The following KCNQ3 variants were observed in gnomAD, a reference collection of about 807,000 sequenced individuals.
The protein encoded by KCNQ3 is potassium voltage-gated channel subfamily KQT member 3.
In KCNQ3, 30 loss-of-function variants were observed where a neutral mutation model predicts 92.5. That is an observed-to-expected ratio of 0.32 (90% CI 0.24 to 0.44). KCNQ3 has a LOEUF of 0.44. KCNQ3 is among the 20% of genes least tolerant of loss of function. KCNQ3 has a pLI of 1.00. For missense variants in KCNQ3, 913 were observed against 1,140.3 expected (o/e 0.80, Z 2.87); for synonymous variants, 450 against 468.8 (o/e 0.96, Z 0.52).
chr8:132,343,151 C>T (rs1435324567), intron 1 of KCNQ3, among the ~76,000 whole-genome samples: 1 of 152,224 alleles, frequency 6.6e-6, no homozygotes, highest in Non-Finnish European at 1.5e-5. Flanking sequence ...GAAGCATCTG[C>T]TACTCTCGTG....
intron 1 of KCNQ3, among the ~76,000 whole-genome samples, chr8:132,359,413 G>A (rs1478146193): frequency 6.6e-6 from 1 of 152,140 alleles, no homozygotes; most frequent in African/African-American, 2.4e-5. Context: ...GCCCTACCAG[G>A]GTGCTCACTG....
Position 132,198,009 on chromosome 8 carries a change from C to T in KCNQ3, c.387-11828G>A, listed in dbSNP as rs944431855. On this transcript the variant is annotated intron_variant, in intron 1 of 14. Transcript: ENST00000388996. Reference sequence around the variant, plus strand: ...TCACATTCTTAGGTAATTCCCTCTGCTTAAAGTTGGCTGGGACCTGTGCTT... The same window carrying T: ...TCACATTCTTAGGTAATTCCCTCTGTTTAAAGTTGGCTGGGACCTGTGCTT... Among the ~76,000 whole-genome samples, 3 of 152,306 alleles carry T rather than the reference C, an allele frequency of 2.0e-5. No individual in the cohort carries two copies. The South Asian group carries it at 6.2e-4, about 32-fold the overall frequency.
intron 1 of KCNQ3, among the ~76,000 whole-genome samples, chr8:132,328,765 T>C (rs876110): frequency 0.038 from 5,731 of 152,282 alleles, 298 homozygotes; most frequent in Admixed American, 0.11. Flanking sequence ...TTGGGTATTA[T>C]AGTTTCTGGT....
intron 1 of KCNQ3, among the ~76,000 whole-genome samples, chr8:132,255,315 T>C (rs1299563349): frequency 6.6e-6 from 1 of 152,148 alleles, no homozygotes; most frequent in African/African-American, 2.4e-5. Flanking sequence ...GACTCAGAAC[T>C]TTCCCAAAGA....
At chr8:132,344,933 C>A (rs957652845) in intron 1 of KCNQ3, among the ~76,000 whole-genome samples, 14 of 152,082 alleles carry the variant, frequency 9.2e-5, no homozygotes, top group African/African-American at 3.4e-4. Flanking sequence ...TGTGAAGTAA[C>A]CCAAAGGAGA....
intron 1 of KCNQ3, among the ~76,000 whole-genome samples, chr8:132,325,280 T>C (rs1818011047): frequency 6.6e-6 from 1 of 152,072 alleles, no homozygotes; most frequent in East Asian, 1.9e-4. Context: ...GAGAGAGAAG[T>C]GTGTTGGGGG....
At chr8:132,444,478 A>G (rs1280217642) in intron 1 of KCNQ3, among the ~76,000 whole-genome samples, 1 of 152,238 alleles carries the variant, frequency 6.6e-6, no homozygotes, top group Admixed American at 6.5e-5. Flanking sequence ...GGTGTGGAGG[A>G]CAGGAGCTGG....
chr8:132,184,427 G>A, intron 2 of KCNQ3, 60 bp from the exon 3 acceptor site: 1 of 1,568,278 alleles, frequency 6.4e-7, no homozygotes, highest in South Asian at 1.1e-5. Flanking sequence ...TCGGGAGCTG[G>A]TGATTTCTAT....
Position 132,129,818 on chromosome 8 carries a change from G to C in KCNQ3, c.2063C>G (p.Ser688Cys). Residue 688 changes from serine to cysteine, a missense_variant, in exon 15 of 15, where the codon TCT becomes TGT. Physicochemically the swap from Ser to Cys is moderately radical, Grantham distance 112 (BLOSUM62 -1). This residue lies in a region of KCNQ3 where 375 missense variants were observed against 376.4 expected (regional missense o/e 1.00). Transcript: ENST00000388996. The surrounding 1 kb of genome is among the most constrained non-coding windows in gnomAD (Gnocchi z 5.9). ...SDLKTIICNY[S>C]ETGPPEPPYS... ...GGGTGGTTCCGGGGGGCCTGTCTCA[G>C]AATAGTTGCAGATGATGGTTTTCAA... 6.2e-7 allele frequency: 1 copy of C among 1,614,208 alleles called. No homozygotes were observed. Among genetic ancestry groups the C allele is most frequent in the South Asian group, 1.1e-5 (1 of 91,088 alleles).
intron 1 of KCNQ3, among the ~76,000 whole-genome samples, chr8:132,220,624 C>T (rs1218335592): frequency 6.6e-6 from 1 of 152,034 alleles, no homozygotes; most frequent in Non-Finnish European, 1.5e-5. Flanking sequence ...TGATGGATGC[C>T]TGTAATTCCA....
intron 1 of KCNQ3, among the ~76,000 whole-genome samples, chr8:132,364,917 T>G (rs562153201): frequency 2.0e-5 from 3 of 152,332 alleles, no homozygotes; most frequent in Non-Finnish European, 4.4e-5. Flanking sequence ...ATTATTACCT[T>G]TCTCCTTTTA....
At chr8:132,291,823 A>G (rs1009391578) in intron 1 of KCNQ3, among the ~76,000 whole-genome samples, 1 of 152,208 alleles carries the variant, frequency 6.6e-6, no homozygotes, top group Non-Finnish European at 1.5e-5. Context: ...AAATAACTTT[A>G]AAAACAGCAA....
intron 1 of KCNQ3, among the ~76,000 whole-genome samples, chr8:132,334,527 C>T (rs1009944831): frequency 6.6e-6 from 1 of 152,172 alleles, no homozygotes; most frequent in Non-Finnish European, 1.5e-5. Flanking sequence ...AAGAAGACAA[C>T]CTTTCTATGG....
chr8:132,298,640 G>T (rs1259280194), intron 1 of KCNQ3, among the ~76,000 whole-genome samples: 2 of 152,202 alleles, frequency 1.3e-5, no homozygotes, highest in Non-Finnish European at 2.9e-5. Context: ...GGGCACAGTG[G>T]CTCATGCCTG....
chr8:132,425,167 A>G (rs1243019524), intron 1 of KCNQ3, among the ~76,000 whole-genome samples: 1 of 152,190 alleles, frequency 6.6e-6, no homozygotes, highest in African/African-American at 2.4e-5. Flanking sequence ...CCTGCCCCCA[A>G]CTGGACGCCA....
At chr8:132,188,583 T>G (rs991396671) in intron 1 of KCNQ3, among the ~76,000 whole-genome samples, 3 of 152,246 alleles carry the variant, frequency 2.0e-5, no homozygotes, top group Non-Finnish European at 1.5e-5. Context: ...CCATGTCAGG[T>G]GCGTGGAAAA....
intron 1 of KCNQ3, among the ~76,000 whole-genome samples, chr8:132,206,008 G>C (rs959242943): frequency 2.0e-5 from 3 of 152,168 alleles, no homozygotes; most frequent in Non-Finnish European, 4.4e-5. Flanking sequence ...GAGGAATGGA[G>C]AACAGGTTGC....
chr8:132,345,161 T>C (rs1818648757), intron 1 of KCNQ3, among the ~76,000 whole-genome samples: 2 of 152,170 alleles, frequency 1.3e-5, no homozygotes, highest in Non-Finnish European at 2.9e-5. Flanking sequence ...TTTAGAATAA[T>C]ATTGATTCAC....
chr8:132,463,924 C>T (rs1270876317), intron 1 of KCNQ3, among the ~76,000 whole-genome samples: 1 of 152,192 alleles, frequency 6.6e-6, no homozygotes, highest in African/African-American at 2.4e-5. Context: ...GCGATTCATG[C>T]CTGTAATCCC....
Sources: gnomAD v4.1 joint callset for allele counts (sites outside exome capture counted in the v4.1 genomes callset) on GRCh38, gnomAD v4.1.1 for gene constraint, gnomAD v4.1.1 regional missense constraint, Gnocchi (gnomAD v3.1) non-coding constraint, MANE v1.5 for transcripts, NCBI Gene and HGNC (gene_info 2026-07-23, HGNC 2026-07-21) for gene names.